Variants in HOOK2 observed in about 807,000 individuals in gnomAD.
HOOK2 encodes the protein protein Hook homolog 2.
A neutral mutation model predicts 111.9 loss-of-function variants in HOOK2; 108 were observed. The ratio of observed to expected loss-of-function variants is 0.96; its 90% CI spans 0.83 to 1.13. The LOEUF (loss-of-function observed/expected upper bound fraction) is 1.13. Ranked by LOEUF, HOOK2 falls within the 50% of genes most tolerant of loss-of-function variation. The pLI is 0.00. For synonymous variants in HOOK2, 405 were observed against 394.3 expected (o/e 1.03, Z -0.32); for missense variants, 978 against 951.3 (o/e 1.03, Z -0.37).
chr19:12,781,690 G>T (rs1016005476), upstream of HOOK2, among the ~76,000 whole-genome samples: 1 of 152,038 alleles, frequency 6.6e-6, no homozygotes, highest in Non-Finnish European at 1.5e-5. Context: ...CCCATTTCGT[G>T]CCCCCTATTT....
Position 12,774,904 on chromosome 19 carries a change from G to A in HOOK2, c.46-7C>T. 1 of 1,612,510 alleles carries A rather than the reference G, an allele frequency of 6.2e-7. No homozygotes were observed. Among genetic ancestry groups the A allele is most frequent in the Non-Finnish European group, 8.5e-7 (1 of 1,179,168 alleles). On this transcript the variant is annotated splice_region_variant and splice_polypyrimidine_tract_variant and intron_variant, in intron 1 of 22. Coordinates refer to ENST00000397668, the MANE Select transcript of HOOK2 (RefSeq NM_013312.3). Reference sequence around the variant, plus strand: ...GAACGTGGAACGTCTGTAACTGAGGGGTAAAGGAAAGGACAAGGAAAGAGT... The same window carrying A: ...GAACGTGGAACGTCTGTAACTGAGGAGTAAAGGAAAGGACAAGGAAAGAGT...
In HOOK2 at chr19:12,790,080, C is replaced by T. The variant is rs1030665641; in HGVS notation, n.42-15855G>A. ...CCCCCGCCGTCGGGCCAATGGAACACTCCCCAAGCCGCCTGCCTCCGCGGT... is the reference window on the plus strand; with the variant it reads ...CCCCCGCCGTCGGGCCAATGGAACATTCCCCAAGCCGCCTGCCTCCGCGGT... On this transcript the variant is annotated intron_variant and non_coding_transcript_variant, in intron 3 of 3. Coordinates refer to the HOOK2 transcript ENST00000589765. This position sits in a 1 kb window ranked among gnomAD's most constrained non-coding sequence, Gnocchi z 7.2. Among the ~76,000 whole-genome samples, 4 of 152,218 alleles carry T rather than the reference C, an allele frequency of 2.6e-5. No individual in the cohort carries two copies. The highest frequency in any genetic ancestry group is 4.4e-5 in the Non-Finnish European group (3 of 68,030).
chr19:12,767,446 G>C lies in HOOK2; in HGVS notation c.1322C>G (p.Thr441Ser). ...GGCTAAGTTATCCACGGGTGTGGAG[G>C]TGGGATCCAGTGAGGGATCTGAAGA... Reference protein sequence around the residue: ...LTQADPSLDPTSTPVDNLAAE... With the variant: ...LTQADPSLDPSSTPVDNLAAE... The change falls in exon 14 of 23, where the codon ACC becomes AGC. Residue 441 changes from threonine (T) to serine (S), a missense_variant. Physicochemically the swap from Thr to Ser is moderately conservative, Grantham distance 58. Coordinates refer to ENST00000397668, the MANE Select transcript of HOOK2 (RefSeq NM_013312.3). 7 of 1,614,002 alleles carry C rather than the reference G, an allele frequency of 4.3e-6. No individual in the cohort carries two copies. The highest frequency in any genetic ancestry group is 5.9e-6 in the Non-Finnish European group (7 of 1,179,900).
intron 3 of HOOK2, among the ~76,000 whole-genome samples, chr19:12,785,589 A>G (rs577742105): frequency 3.3e-5 from 5 of 152,190 alleles, no homozygotes; most frequent in Admixed American, 6.5e-5. Context: ...ACACACACAC[A>G]GAGTGGAACA....
At chr19:12,780,795 A>C, upstream of HOOK2, among the ~76,000 whole-genome samples, 1 of 100,904 alleles carries the variant, frequency 9.9e-6, no homozygotes, top group East Asian at 3.4e-4. Flanking sequence ...TGGCTAACAC[A>C]GTGAAACCCC....
rs1254626092 is a variant in HOOK2, at chr19:12,767,292, C to G, written c.1373+103G>C. The stretch of plus-strand genomic sequence containing the variant: ...GCCCGGCTGGCACCTGGAGCTGAGA[C>G]CAAGCAACCGGGGCTAGCAGAAGAT... On this transcript the variant is annotated intron_variant, in intron 14 of 22. Transcript: ENST00000397668. 8 of 993,168 alleles carry G rather than the reference C, an allele frequency of 8.1e-6. No homozygotes were observed. The Admixed American group carries it at 1.4e-4, about 17-fold the overall frequency. 61.5% of individuals were successfully genotyped at this position (993,168 alleles called of 1,614,324 possible). A position where few individuals can be genotyped will look rare whatever the true frequency, so the allele number is the denominator to read the frequency against.
chr19:12,780,981 A>AAAT (rs906168929), upstream of HOOK2, among the ~76,000 whole-genome samples: 2 of 139,936 alleles, frequency 1.4e-5, no homozygotes, highest in African/African-American at 2.6e-5. Flanking sequence ...CCGTCTCAAA[A>AAAT]AATAATAATA....
At position 12,791,040 on chromosome 19, in the gene HOOK2, C is replaced by A. The variant is rs2145804455; in HGVS notation, n.42-16815G>T. On this transcript the variant is annotated intron_variant and non_coding_transcript_variant, in intron 3 of 3. Coordinates refer to the HOOK2 transcript ENST00000589765. This position sits in a 1 kb window ranked among gnomAD's most constrained non-coding sequence, Gnocchi z 7.0. ...CTCCCGATTTACAGTGCTTAACCCT[C>A]ATTTCTGCTTTTTGGGGTCTCCCAA... Among the ~76,000 whole-genome samples the A allele has an allele frequency of 6.6e-6, 1 of 152,354 alleles. No individual in the cohort carries two copies. The highest frequency in any genetic ancestry group is 1.9e-4 in the East Asian group (1 of 5,184).
chr19:12,766,812 T>C (rs1056241929), intron 14 of HOOK2, among the ~76,000 whole-genome samples: 9 of 152,198 alleles, frequency 5.9e-5, no homozygotes, highest in Non-Finnish European at 1.0e-4. Flanking sequence ...CTCGATCTCC[T>C]GACCTTGTGA....
At chr19:12,779,680 G>C (rs1028421944), upstream of HOOK2, among the ~76,000 whole-genome samples, 2 of 152,134 alleles carry the variant, frequency 1.3e-5, no homozygotes, top group Non-Finnish European at 2.9e-5. Context: ...TTGTAGGTGT[G>C]AGATGGAGGA....
chr19:12,784,123 T>G (rs776995731), intron 3 of HOOK2, among the ~76,000 whole-genome samples: 1 of 152,090 alleles, frequency 6.6e-6, no homozygotes, highest in Non-Finnish European at 1.5e-5. Context: ...TCCTGTGGAC[T>G]GCTGGCTGGA....
rs1352668317 is a variant in HOOK2, at chr19:12,791,792, G to A, written n.42-17567C>T. On this transcript the variant is annotated intron_variant and non_coding_transcript_variant, in intron 3 of 3. Coordinates refer to the HOOK2 transcript ENST00000589765. The surrounding 1 kb of genome is among the most constrained non-coding windows in gnomAD (Gnocchi z 7.0). The stretch of plus-strand genomic sequence containing the variant: ...CCCGGATGTGCACTAAAATGGAACA[G>A]CCCTTCTACCACGACGACTCATACA... 6.2e-7 allele frequency: 1 copy of A among 1,611,842 alleles called. No homozygotes were observed. The highest frequency in any genetic ancestry group is 1.1e-5 in the South Asian group (1 of 91,012).
rs1968710929 is a variant in HOOK2 at position 12,791,387 on chromosome 19, A to T, written n.42-17162T>A. 5.9e-6 allele frequency: 1 copy of T among 170,298 alleles called. No individual in the cohort carries two copies. Among genetic ancestry groups the T allele is most frequent in the Non-Finnish European group, 1.2e-5 (1 of 80,304 alleles). The allele number at this position is 170,298 out of a possible 1,614,324, so 10.5% of individuals were successfully genotyped here. On this transcript the variant is annotated intron_variant and non_coding_transcript_variant, in intron 3 of 3. Transcript: ENST00000589765. The surrounding 1 kb of genome is among the most constrained non-coding windows in gnomAD (Gnocchi z 7.0). ...CTCCTCCCCTTCCCCACGCTCGAGG[A>T]GGGGGGCGCGGGGGCCCGGCTCCGG...
chr19:12,770,140 A>T lies in HOOK2; in HGVS notation c.903-58T>A, dbSNP rs919716824. The T allele has an allele frequency of 2.9e-6, 4 of 1,385,128 alleles. No individual in the cohort carries two copies. In the African/African-American group the frequency reaches 6.0e-5, roughly 21 times the overall value. The allele number at this position is 1,385,128 out of a possible 1,614,324, so 85.8% of individuals were successfully genotyped here. A position where few individuals can be genotyped will look rare whatever the true frequency, so the allele number is the denominator to read the frequency against. On this transcript the variant is annotated intron_variant, in intron 10 of 22. Transcript: ENST00000397668. ...GAGCTCTGATCAGGGGTCAGCTGGG[A>T]TGTGGAGTGGCCCTTGGAGCACAGG...
chr19:12,779,798 C>T (rs1271691229), upstream of HOOK2, among the ~76,000 whole-genome samples: 2 of 137,648 alleles, frequency 1.5e-5, no homozygotes, highest in East Asian at 4.3e-4. Flanking sequence ...GGGCTGGTTT[C>T]GGGGACTGGG....
In HOOK2 at chr19:12,771,259, G is replaced by A. The variant is rs761445705; in HGVS notation, c.661C>T (p.Arg221Trp). 11 of 1,606,246 alleles carry A rather than the reference G, an allele frequency of 6.8e-6. No homozygotes were observed. The highest frequency in any genetic ancestry group is 1.3e-5 in the African/African-American group (1 of 74,858). The change falls in exon 9 of 23, where the codon CGG (arginine) becomes TGG (tryptophan). Residue 221 changes from arginine (R) to tryptophan (W), a missense_variant. Around this residue, in one of 5 missense-constraint regions of HOOK2, gnomAD observed 301 missense variants for 286.1 expected, o/e 1.05. Transcript: ENST00000397668. Reference sequence around the variant, plus strand: ...CCCTCGCCTTCAGGCCGGCCCATCCGCTCCCGCAGCCCTGCATTCTCTTGC... The same window carrying A: ...CCCTCGCCTTCAGGCCGGCCCATCCACTCCCGCAGCCCTGCATTCTCTTGC... ...LAQENAGLRERMGRPEGEGTP... is the reference protein window; with the variant it reads ...LAQENAGLREWMGRPEGEGTP...
At chr19:12,779,107 C>T (rs1422127364), upstream of HOOK2, among the ~76,000 whole-genome samples, 1 of 152,156 alleles carries the variant, frequency 6.6e-6, no homozygotes, top group Non-Finnish European at 1.5e-5. Flanking sequence ...GACACAGAGC[C>T]CTGGTGTGCA....
At chr19:12,775,162 C>T (rs748060010) in intron 1 of HOOK2, 352 of 982,510 alleles carry the variant, frequency 3.6e-4, no homozygotes, top group Non-Finnish European at 4.0e-4. Flanking sequence ...CGTGACCAGG[C>T]CAATTCACCT....
rs536324739 is a variant in HOOK2, at chr19:12,768,101, C to T, written c.1127G>A (p.Arg376Gln). 2.3e-5 allele frequency: 37 copies of T among 1,614,160 alleles called. 1 individual carries two copies. The highest frequency in any genetic ancestry group is 3.3e-4 in the Middle Eastern group (2 of 6,062). Residue 376 changes from arginine (R) to glutamine (Q), a missense_variant, in exon 12 of 23, where the codon CGG becomes CAG. Around this residue, in one of 5 missense-constraint regions of HOOK2, gnomAD observed 388 missense variants for 358.3 expected, o/e 1.08. Transcript: ENST00000397668. ...RRQVQELQGQ[R>Q]QEEAMKAEKW... ...CTCGGCCTTCATGGCCTCCTCCTGC[C>T]GCTGGCCCTGCAGTTCCTGCACCTG...
Sources: gnomAD v4.1 joint callset for allele counts (sites outside exome capture counted in the v4.1 genomes callset) on GRCh38, gnomAD v4.1.1 for gene constraint, gnomAD v4.1.1 regional missense constraint, Gnocchi (gnomAD v3.1) non-coding constraint, MANE v1.5 for transcripts, NCBI Gene and HGNC (gene_info 2026-07-23, HGNC 2026-07-21) for gene names.